CEMIP: variants seen among roughly 807,000 people sequenced by gnomAD.
CEMIP encodes the protein cell migration-inducing and hyaluronan-binding protein.
A neutral mutation model predicts 156.9 loss-of-function variants in CEMIP; 105 were observed. That is an observed-to-expected ratio of 0.67 (90% CI 0.57 to 0.79). CEMIP has a LOEUF of 0.79. Among genes scored for constraint, CEMIP ranks in the 30% least tolerant of loss-of-function variants. The probability of loss-of-function intolerance (pLI) is 0.00; values close to 1 mark genes in which losing one functional copy is unlikely to be tolerated. For synonymous variants in CEMIP, 676 were observed against 668.4 expected (o/e 1.01, Z -0.17); for missense variants, 1,457 against 1,769.4 (o/e 0.82, Z 3.17).
intron 29 of CEMIP, chr15:80,948,425 A>G (rs1567115342): frequency 2.9e-6 from 1 of 350,016 alleles, no homozygotes; most frequent in Non-Finnish European, 5.6e-6. Context: ...GGATGGGAAC[A>G]CTGGGCTTCA....
At chr15:80,825,402 A>T (rs1180242831) in intron 1 of CEMIP, among the ~76,000 whole-genome samples, 1 of 152,248 alleles carries the variant, frequency 6.6e-6, no homozygotes, top group East Asian at 1.9e-4. Context: ...CCAGGAAAAA[A>T]ATGTACAATT....
rs572139131 is a variant in CEMIP, at chr15:80,940,129, C to T, written c.3408-1720C>T. On this transcript the variant is annotated intron_variant, in intron 25 of 29. Coordinates refer to ENST00000394685, the MANE Select transcript of CEMIP (RefSeq NM_001293298.2). Reference sequence around the variant, plus strand: ...ATTTAAGGTGCACAGCCATCAGTAGCGCTGCTCTGCAACATTACTTGGTCA... The same window carrying T: ...ATTTAAGGTGCACAGCCATCAGTAGTGCTGCTCTGCAACATTACTTGGTCA... Among the ~76,000 whole-genome samples, 3 of 152,304 alleles carry T rather than the reference C, an allele frequency of 2.0e-5. No homozygotes were observed. In the South Asian group the frequency reaches 6.2e-4, roughly 32 times the overall value.
chr15:80,816,208 C>T (rs1166264628), intron 1 of CEMIP, among the ~76,000 whole-genome samples: 3 of 152,194 alleles, frequency 2.0e-5, no homozygotes, highest in African/African-American at 7.2e-5. Flanking sequence ...GAGAAACTTT[C>T]CCATCTCAGC....
chr15:80,796,250 A>C (rs916164318), intron 1 of CEMIP, among the ~76,000 whole-genome samples: 80 of 152,292 alleles, frequency 5.3e-4, no homozygotes, highest in African/African-American at 1.8e-3. Context: ...TTGGGACTAC[A>C]TGTACATGCC....
chr15:80,879,643 C>T, intron 4 of CEMIP, 73 bp from the exon 5 acceptor site: 1 of 1,584,326 alleles, frequency 6.3e-7, no homozygotes, highest in Non-Finnish European at 8.7e-7. Flanking sequence ...CTTAGGGAGT[C>T]TGCCCTTGGC....
intron 1 of CEMIP, among the ~76,000 whole-genome samples, chr15:80,848,900 G>GCACACACACACACACACACACACACACA (rs3221932): frequency 2.2e-4 from 30 of 134,632 alleles, no homozygotes; most frequent in African/African-American, 8.3e-4. Context: ...GTGTGCGCGT[G>GCACACACACACACACACACACACACACA]CACACACACA....
At chr15:80,842,502 C>T (rs1263085951) in intron 1 of CEMIP, among the ~76,000 whole-genome samples, 7 of 152,174 alleles carry the variant, frequency 4.6e-5, no homozygotes, top group Admixed American at 6.5e-5. Flanking sequence ...GAGGCTGAGG[C>T]GGGTGGATCA....
Position 80,946,993 on chromosome 15 carries a change from A to AGAT in CEMIP, c.3887_3889dup (p.Arg1296_Tyr1297insTer). On this transcript the variant is annotated stop_gained and inframe_insertion, in exon 29 of 30. Transcript: ENST00000394685. LOFTEE classifies it high-confidence loss of function. Reference sequence around the variant, plus strand: ...CATAGTGCTTATGGCATCAAAGGGAAGATACGTCTCCAGAGGCCCATGGAC... The same window carrying AGAT: ...CATAGTGCTTATGGCATCAAAGGGAAGATGATACGTCTCCAGAGGCCCATGGAC... 1 of 1,613,894 alleles carries AGAT rather than the reference A, an allele frequency of 6.2e-7. No individual in the cohort carries two copies. The highest frequency in any genetic ancestry group is 8.5e-7 in the Non-Finnish European group (1 of 1,179,782).
intron 3 of CEMIP, among the ~76,000 whole-genome samples, chr15:80,875,030 T>G (rs1397580888): frequency 1.5e-5 from 2 of 134,232 alleles, no homozygotes; most frequent in African/African-American, 5.7e-5. Context: ...CATTTTTTTT[T>G]TTTTTTTTTT....
At chr15:80,900,209 T>G (rs1423866010) in intron 12 of CEMIP, among the ~76,000 whole-genome samples, 3 of 152,160 alleles carry the variant, frequency 2.0e-5, no homozygotes, top group Non-Finnish European at 4.4e-5. Flanking sequence ...GTCAGAGCAT[T>G]TCTGCCTCAG....
rs117938382 is a variant in CEMIP at position 80,853,831 on chromosome 15, C to T, written c.-175-19707C>T. Among the ~76,000 whole-genome samples the T allele has an allele frequency of 4.3e-3, 659 of 152,282 alleles. 1 individual carries two copies. The highest frequency in any genetic ancestry group is 7.2e-3 in the Non-Finnish European group (491 of 68,026). On this transcript the variant is annotated intron_variant, in intron 1 of 29. Transcript: ENST00000394685. ...ACACTTTTATAGATCAAGACATGGA[C>T]GATTTTGTATTGTTCAACCTAATAT... is the stretch of plus-strand genomic sequence containing the variant.
At chr15:80,862,280 C>T (rs1898005334) in intron 1 of CEMIP, among the ~76,000 whole-genome samples, 1 of 152,210 alleles carries the variant, frequency 6.6e-6, no homozygotes, top group Non-Finnish European at 1.5e-5. Flanking sequence ...CCAGATGAGG[C>T]TCACTTGTTT....
At chr15:80,934,912 C>A (rs1255881154) in intron 23 of CEMIP, among the ~76,000 whole-genome samples, 2 of 152,148 alleles carry the variant, frequency 1.3e-5, no homozygotes, top group Non-Finnish European at 2.9e-5. Flanking sequence ...AGGAAAGTAA[C>A]CTCCAGAGAG....
chr15:80,798,523 TG>T (rs1896290783), intron 1 of CEMIP, among the ~76,000 whole-genome samples: 1 of 152,204 alleles, frequency 6.6e-6, no homozygotes, highest in African/African-American at 2.4e-5. Flanking sequence ...TTATTTACAC[TG>T]ATATTTGATA....
chr15:80,812,826 C>T (rs1410274000), intron 1 of CEMIP, among the ~76,000 whole-genome samples: 1 of 152,102 alleles, frequency 6.6e-6, no homozygotes, highest in Non-Finnish European at 1.5e-5. Context: ...GTGCTGTTAA[C>T]AAACACTTAG....
intron 1 of CEMIP, among the ~76,000 whole-genome samples, chr15:80,869,072 CT>C (rs1394212044): frequency 3.9e-5 from 6 of 152,162 alleles, no homozygotes; most frequent in African/African-American, 1.4e-4. Flanking sequence ...AGCCTCTCTC[CT>C]TGGCTTGAAG....
At chr15:80,918,935 A>C (rs1227254650) in intron 14 of CEMIP, among the ~76,000 whole-genome samples, 1 of 152,150 alleles carries the variant, frequency 6.6e-6, no homozygotes, top group Non-Finnish European at 1.5e-5. Flanking sequence ...GAGATCATGG[A>C]GTTCAAGTCC....
intron 1 of CEMIP, among the ~76,000 whole-genome samples, chr15:80,802,525 G>T (rs917297462): frequency 3.3e-5 from 5 of 152,204 alleles, no homozygotes; most frequent in African/African-American, 9.6e-5. Context: ...TGACTCCAGC[G>T]CCAGCTCTAA....
At chr15:80,934,064 T>G (rs1901026292) in intron 23 of CEMIP, among the ~76,000 whole-genome samples, 1 of 152,234 alleles carries the variant, frequency 6.6e-6, no homozygotes, top group Admixed American at 6.5e-5. Context: ...TATTTTACAC[T>G]TATAGCCCAC....
Sources: gnomAD v4.1 joint callset for allele counts (sites outside exome capture counted in the v4.1 genomes callset) on GRCh38, gnomAD v4.1.1 for gene constraint, MANE v1.5 for transcripts, NCBI Gene and HGNC (gene_info 2026-07-23, HGNC 2026-07-21) for gene names.